The following EML4 variants were observed in gnomAD, a reference collection of about 807,000 sequenced individuals.
The protein encoded by EML4 is echinoderm microtubule-associated protein-like 4.
A neutral mutation model predicts 129.0 loss-of-function variants in EML4; 72 were observed. The ratio of observed to expected loss-of-function variants is 0.56; its 90% CI spans 0.46 to 0.68. The LOEUF (loss-of-function observed/expected upper bound fraction) is 0.68. EML4 is among the 30% of genes least tolerant of loss of function. The pLI is 0.00. For synonymous variants in EML4, 532 were observed against 405.0 expected, an observed-to-expected ratio of 1.31 and a Z score of -3.77; for missense variants, 1,363 against 1,190.6, an observed-to-expected ratio of 1.14 and a Z score of -2.13.
intron 2 of EML4, among the ~76,000 whole-genome samples, chr2:42,254,760 C>T (rs746179112): frequency 1.2e-4 from 18 of 151,708 alleles, no homozygotes; most frequent in Admixed American, 2.6e-4. Context: ...ATACAACAAC[C>T]GTGACTCAGC....
chr2:42,329,171 G>A (rs1238263459), intron 22 of EML4, among the ~76,000 whole-genome samples, 155 bp downstream of exon 22: 1 of 152,202 alleles, frequency 6.6e-6, no homozygotes, highest in African/African-American at 2.4e-5. Context: ...CATCCAGGCA[G>A]TGCTTGTCTT....
At chr2:42,228,028 T>C (rs1674087782) in intron 1 of EML4, among the ~76,000 whole-genome samples, 1 of 152,096 alleles carries the variant, frequency 6.6e-6, no homozygotes, top group Admixed American at 6.5e-5. Flanking sequence ...AGAAGCAGCC[T>C]GGCCAACATG....
chr2:42,305,625 G>A (rs1019744573), intron 17 of EML4, among the ~76,000 whole-genome samples: 1 of 152,114 alleles, frequency 6.6e-6, no homozygotes, highest in Non-Finnish European at 1.5e-5. Flanking sequence ...AGGTTAACAT[G>A]TTTATGATTT....
At chr2:42,299,646 T>C (rs1454257606) in intron 13 of EML4, among the ~76,000 whole-genome samples, 10 of 152,184 alleles carry the variant, frequency 6.6e-5, no homozygotes, top group Admixed American at 6.5e-4. Context: ...CAATGTGTGG[T>C]CTTTTATGAC....
intron 9 of EML4, 146 bp downstream of exon 9, chr2:42,284,849 T>G (rs1667201067): frequency 1.9e-6 from 1 of 524,330 alleles, no homozygotes; most frequent in East Asian, 3.3e-5. Context: ...GAAAAAACAT[T>G]AGGATATAAG....
chr2:42,293,683 C>T (rs1667779967), intron 11 of EML4, among the ~76,000 whole-genome samples: 1 of 152,222 alleles, frequency 6.6e-6, no homozygotes, highest in Non-Finnish European at 1.5e-5. Context: ...GCAATCTCAG[C>T]TCACTGCAGT....
chr2:42,209,678 C>T (rs1473610075), intron 1 of EML4, among the ~76,000 whole-genome samples: 5 of 152,140 alleles, frequency 3.3e-5, no homozygotes, highest in African/African-American at 1.2e-4. Flanking sequence ...GCCTGCAATC[C>T]CAGCACTTTG....
intron 9 of EML4, 83 bp downstream of exon 9, chr2:42,284,786 T>C (rs911771204): frequency 4.0e-6 from 4 of 1,012,530 alleles, no homozygotes; most frequent in Non-Finnish European, 4.3e-6. Context: ...CCACAACTCA[T>C]TTGTTTTATT....
chr2:42,217,340 A>G (rs1673261713), intron 1 of EML4, among the ~76,000 whole-genome samples: 2 of 152,024 alleles, frequency 1.3e-5, no homozygotes, highest in South Asian at 4.1e-4. Flanking sequence ...TTTTTTTCAG[A>G]GAAAGCAATT....
chr2:42,309,818 C>T (rs151332810), intron 17 of EML4, among the ~76,000 whole-genome samples: 2 of 152,176 alleles, frequency 1.3e-5, no homozygotes, highest in African/African-American at 4.8e-5. Flanking sequence ...TTTCCTCATT[C>T]TGAGGGTGGT....
intron 17 of EML4, among the ~76,000 whole-genome samples, chr2:42,307,981 C>T (rs1402650487): frequency 1.3e-5 from 2 of 152,182 alleles, no homozygotes; most frequent in Non-Finnish European, 1.5e-5. Flanking sequence ...TAGAATGCAA[C>T]ACATGTCCAA....
intron 3 of EML4, among the ~76,000 whole-genome samples, chr2:42,258,106 T>C (rs1665463302): frequency 6.6e-6 from 1 of 152,148 alleles, no homozygotes; most frequent in South Asian, 2.1e-4. Flanking sequence ...TTATGCACAT[T>C]AGTGATTCAA....
rs369739234 is a variant in EML4, at chr2:42,194,347, C to CTA, written c.25+24712_25+24713insAT. On this transcript the variant is annotated intron_variant, in intron 1 of 22. Transcript: ENST00000318522. ...CTGTATTTTTCACTTCTCTCTCTCT[C>CTA]TTTTTTTTTTTTTTGCACTGGATAA... 7.3e-4 allele frequency among the ~76,000 whole-genome samples: 92 copies of CTA among 126,822 alleles called. 1 individual carries two copies. The highest frequency in any genetic ancestry group is 2.3e-3 in the South Asian group (9 of 3,926). The allele number at this position is 126,822 out of a possible 152,430, so 83.2% of individuals were successfully genotyped here. A position where few individuals can be genotyped will look rare whatever the true frequency, so the allele number is the denominator to read the frequency against.
chr2:42,286,433 A>AGTTAAGCTC (rs1667312170), intron 10 of EML4, 54 bp downstream of exon 10: 1 of 1,084,290 alleles, frequency 9.2e-7, no homozygotes, highest in Admixed American at 1.7e-5. Context: ...GCAGGAAAGA[A>AGTTAAGCTC]GTTAAGCTCA....
At chr2:42,190,280 C>G (rs569200597) in intron 1 of EML4, among the ~76,000 whole-genome samples, 1 of 152,086 alleles carries the variant, frequency 6.6e-6, no homozygotes, top group Admixed American at 6.5e-5. Flanking sequence ...CCTGCTGAGT[C>G]CCCCCACAAT....
At chr2:42,220,035 A>G (rs567868784) in intron 1 of EML4, among the ~76,000 whole-genome samples, 1 of 152,118 alleles carries the variant, frequency 6.6e-6, no homozygotes, top group Admixed American at 6.5e-5. Flanking sequence ...TATGTCTTGA[A>G]GATTTATTTT....
intron 1 of EML4, among the ~76,000 whole-genome samples, chr2:42,172,815 G>T (rs1166641325): frequency 6.6e-6 from 1 of 152,060 alleles, no homozygotes; most frequent in African/African-American, 2.4e-5. Context: ...AGCTTTTACC[G>T]ATTTTTTATA....
chr2:42,224,676 G>T (rs1673836502), intron 1 of EML4, among the ~76,000 whole-genome samples: 2 of 152,054 alleles, frequency 1.3e-5, no homozygotes, highest in Non-Finnish European at 2.9e-5. Context: ...AGCAGTATAT[G>T]AGGGTTTCAA....
rs1558621362 is a variant in EML4, at chr2:42,331,532, A to AT, written c.*1331dup. 2 of 223,772 alleles carry AT rather than the reference A, an allele frequency of 8.9e-6. No individual in the cohort carries two copies. The highest frequency in any genetic ancestry group is 2.2e-5 in the African/African-American group (1 of 44,770). 13.9% of individuals were successfully genotyped at this position (223,772 alleles called of 1,614,324 possible). On this transcript the variant is annotated 3_prime_UTR_variant, in exon 23 of 23. Coordinates refer to ENST00000318522, the MANE Select transcript of EML4 (RefSeq NM_019063.5). Reference sequence around the variant, plus strand: ...GATTATAAAAAAGTATTTTGTTTTGATTTTTTAACTTGCTGCATTGTTTTG... The same window carrying AT: ...GATTATAAAAAAGTATTTTGTTTTGATTTTTTTAACTTGCTGCATTGTTTTG...
Sources: gnomAD v4.1 joint callset for allele counts (sites outside exome capture counted in the v4.1 genomes callset) on GRCh38, gnomAD v4.1.1 for gene constraint, MANE v1.5 for transcripts, NCBI Gene and HGNC (gene_info 2026-07-23, HGNC 2026-07-21) for gene names.